The following ZDHHC15 variants were observed in gnomAD, a reference collection of about 807,000 sequenced individuals.
The protein encoded by ZDHHC15 is palmitoyltransferase ZDHHC15.
ZDHHC15 carries 19 observed loss-of-function variants against 31.7 expected under a neutral mutation model. The observed-to-expected ratio is 0.60, with a 90% CI of 0.42 to 0.88. ZDHHC15 has a LOEUF of 0.88. Ranked by LOEUF, ZDHHC15 falls within the 40% of genes least tolerant of loss-of-function variation. ZDHHC15 has a pLI of 0.00. For synonymous variants in ZDHHC15, 103 were observed against 90.0 expected (o/e 1.14, Z -0.82); for missense variants, 209 against 251.2 (o/e 0.83, Z 1.14).
At chrX:75,404,919 C>A (rs2083394907) in intron 10 of ZDHHC15, among the ~76,000 whole-genome samples, 4 of 112,068 alleles carry the variant, frequency 3.6e-5, no homozygotes, top group East Asian at 2.8e-4. Flanking sequence ...CATAAAGACA[C>A]ATGCACACAA....
intron 1 of ZDHHC15, among the ~76,000 whole-genome samples, chrX:75,518,221 T>G (rs1193978905): frequency 9.0e-6 from 1 of 111,440 alleles, no homozygotes; most frequent in Non-Finnish European, 1.9e-5. Flanking sequence ...AAATAACGTA[T>G]CTGATAAAGA....
At position 75,370,473 on chromosome X, in the gene ZDHHC15, T is replaced by G. The variant is rs1391047285; in HGVS notation, c.*2505A>C. 3.6e-5 allele frequency: 4 copies of G among 110,137 alleles called. No individual in the cohort carries two copies. The highest frequency in any genetic ancestry group is 7.6e-5 in the Non-Finnish European group (4 of 52,880). 9.1% of individuals were successfully genotyped at this position (110,137 alleles called of 1,213,427 possible). On this transcript the variant is annotated 3_prime_UTR_variant, in exon 12 of 12. Coordinates refer to ENST00000373367, the MANE Select transcript of ZDHHC15 (RefSeq NM_144969.3). ...TGAGACCAAAATGCTAAGATAGGAA[T>G]AGGTTTTCTTTTTATCTCTGAGCCC...
At chrX:75,474,209 A>T (rs6647132) in intron 3 of ZDHHC15, among the ~76,000 whole-genome samples, 19,751 of 109,529 alleles carry the variant, frequency 0.18, 1,960 homozygotes, top group East Asian at 0.85. Context: ...CCATCTAATC[A>T]GCTGCCAGTG....
At chrX:75,414,332 C>G (rs748237262) in intron 10 of ZDHHC15, among the ~76,000 whole-genome samples, 1 of 109,939 alleles carries the variant, frequency 9.1e-6, no homozygotes, top group Non-Finnish European at 1.9e-5. Context: ...TGTGCTAATA[C>G]AAGGCCATGA....
rs747390772 is a variant in ZDHHC15, at chrX:75,431,495, A to T, written c.405T>A (p.His135Gln). Residue 135 changes from histidine (H) to glutamine (Q), a missense_variant, in exon 5 of 12, where the codon CAT becomes CAA. By Grantham distance (24) the His-to-Gln change is conservative. Coordinates refer to ENST00000373367, the MANE Select transcript of ZDHHC15 (RefSeq NM_144969.3). ...SGAVRFCDRC[H>Q]LIKPDRCHHC... ...GGTGGCAGCGGTCTGGCTTGATCAG[A>T]TGACACCGGTCACAGAATCGTACAG... 5.8e-6 allele frequency: 7 copies of T among 1,206,961 alleles called. No homozygotes were observed. Among genetic ancestry groups the T allele is most frequent in the Non-Finnish European group, 7.8e-6 (7 of 894,299 alleles).
intron 3 of ZDHHC15, among the ~76,000 whole-genome samples, chrX:75,465,068 C>A (rs1473925073): frequency 8.9e-6 from 1 of 112,215 alleles, no homozygotes; most frequent in Non-Finnish European, 1.9e-5. Context: ...ATTGTCTCAG[C>A]TCAAAAGCTT....
At chrX:75,451,014 T>G in intron 3 of ZDHHC15, 92 bp from the exon 4 acceptor site, 1 of 1,024,642 alleles carries the variant, frequency 9.8e-7, no homozygotes, top group Non-Finnish European at 1.3e-6. Flanking sequence ...TGAAATTATT[T>G]GTTACCTACC....
chrX:75,429,229 A>G (rs1468594482), intron 6 of ZDHHC15, 31 bp from the exon 7 acceptor site: 2 of 1,187,580 alleles, frequency 1.7e-6, no homozygotes, highest in South Asian at 3.8e-5. Context: ...ATTTGACATC[A>G]GGACCTCTTG....
At chrX:75,489,987 T>C (rs1251929540) in intron 2 of ZDHHC15, among the ~76,000 whole-genome samples, 5 of 111,635 alleles carry the variant, frequency 4.5e-5, no homozygotes, top group Non-Finnish European at 9.4e-5. Context: ...AGAAAGGGTA[T>C]CAGTGATGGA....
At chrX:75,410,988 A>C (rs1316216294) in intron 10 of ZDHHC15, among the ~76,000 whole-genome samples, 1 of 112,129 alleles carries the variant, frequency 8.9e-6, no homozygotes, top group Non-Finnish European at 1.9e-5. Flanking sequence ...AGCCAAGCAC[A>C]CAAAGACAAA....
In ZDHHC15 at chrX:75,474,221, A is replaced by C. The variant is rs748660634; in HGVS notation, c.258+4670T>G. ...GCACCATCTAATCAGCTGCCAGTGA[A>C]TATAAAGCAGGCAGAAAAACGTGAA... On this transcript the variant is annotated intron_variant, in intron 3 of 11. Coordinates refer to ENST00000373367, the MANE Select transcript of ZDHHC15 (RefSeq NM_144969.3). Among the ~76,000 whole-genome samples the C allele has an allele frequency of 2.6e-3, 284 of 110,044 alleles. 1 individual carries two copies. The highest frequency in any genetic ancestry group is 8.7e-3 in the African/African-American group (265 of 30,313).
At chrX:75,497,843 A>G (rs2085026172) in intron 2 of ZDHHC15, among the ~76,000 whole-genome samples, 1 of 111,297 alleles carries the variant, frequency 9.0e-6, no homozygotes, top group Non-Finnish European at 1.9e-5. Context: ...AACGAAAGCC[A>G]TCTATGACAA....
chrX:75,486,098 A>G (rs757220803), intron 2 of ZDHHC15, among the ~76,000 whole-genome samples: 1 of 112,588 alleles, frequency 8.9e-6, no homozygotes, highest in Admixed American at 9.4e-5. Context: ...GCCATGAGAC[A>G]GCTGAAAAAC....
chrX:75,408,161 A>T (rs1210073968), intron 10 of ZDHHC15, among the ~76,000 whole-genome samples: 1 of 109,446 alleles, frequency 9.1e-6, no homozygotes, highest in East Asian at 2.9e-4. Context: ...TTGTCCTATG[A>T]CCCTGCCAAA....
intron 3 of ZDHHC15, among the ~76,000 whole-genome samples, 166 bp downstream of exon 3, chrX:75,478,725 C>T (rs767832286): frequency 9.0e-6 from 1 of 111,520 alleles, no homozygotes; most frequent in Admixed American, 9.6e-5. Context: ...TTCACAAACT[C>T]CTTCAATAGC....
rs766218871 is a variant in ZDHHC15, at chrX:75,500,972, GTTTTA to G, written c.163+4844_163+4848del. Among the ~76,000 whole-genome samples, 378 of 110,649 alleles carry G rather than the reference GTTTTA, an allele frequency of 3.4e-3. 1 individual carries two copies. The highest frequency in any genetic ancestry group is 0.012 in the African/African-American group (359 of 30,564). ...AGCAGATCTTTCTTTTATTTTTAAAGTTTTATTTTCGGTTCGGGGGCACATGTAAA... is the reference window on the plus strand; with the variant it reads ...AGCAGATCTTTCTTTTATTTTTAAAGTTTTCGGTTCGGGGGCACATGTAAA... On this transcript the variant is annotated intron_variant, in intron 2 of 11. Transcript: ENST00000373367.
chrX:75,500,982 C>T (rs1173166015), intron 2 of ZDHHC15, among the ~76,000 whole-genome samples: 9 of 110,398 alleles, frequency 8.2e-5, no homozygotes, highest in Admixed American at 3.9e-4. Flanking sequence ...GTTTTATTTT[C>T]GGTTCGGGGG....
chrX:75,379,000 G>A (rs188316093), intron 11 of ZDHHC15, 120 bp downstream of exon 11: 72 of 518,766 alleles, frequency 1.4e-4, no homozygotes, highest in Admixed American at 7.7e-5. Flanking sequence ...CATTACAAGA[G>A]TGAAGAATTT....
chrX:75,438,744 T>C (rs942719842), intron 4 of ZDHHC15, among the ~76,000 whole-genome samples: 1 of 111,762 alleles, frequency 8.9e-6, no homozygotes, highest in African/African-American at 3.3e-5. Context: ...TTTTGTTTTA[T>C]AACCCCTGTG....
Sources: allele counts gnomAD v4.1 joint callset (sites outside exome capture counted in the v4.1 genomes callset), GRCh38; gene constraint gnomAD v4.1.1; transcripts MANE v1.5; gene names NCBI Gene and HGNC (gene_info 2026-07-23, HGNC 2026-07-21).